Variants in MAGI1 observed in about 807,000 individuals in gnomAD.
MAGI1 encodes membrane associated guanylate kinase, WW and PDZ domain containing 1.
MAGI1 carries 58 observed loss-of-function variants against 139.9 expected under a neutral mutation model. That is an observed-to-expected ratio of 0.41 (90% CI 0.34 to 0.52). MAGI1 has a LOEUF of 0.52. Among genes scored for constraint, MAGI1 ranks in the 20% least tolerant of loss-of-function variants. The pLI is 0.12. For synonymous variants in MAGI1, 812 were observed against 737.9 expected, an observed-to-expected ratio of 1.10 and a Z score of -1.63; for missense variants, 1,874 against 1,901.6, an observed-to-expected ratio of 0.99 and a Z score of 0.27.
intron 2 of MAGI1, among the ~76,000 whole-genome samples, chr3:65,571,044 A>C (rs2080932827): frequency 6.6e-6 from 1 of 152,196 alleles, no homozygotes; most frequent in African/African-American, 2.4e-5. Context: ...GAAGAGAAGA[A>C]ACAGAAAAGT....
chr3:65,888,983 A>T (rs1344674410), intron 1 of MAGI1, among the ~76,000 whole-genome samples: 1 of 152,240 alleles, frequency 6.6e-6, no homozygotes, highest in East Asian at 1.9e-4. Context: ...GTATGTATAC[A>T]TATGTAACAA....
At chr3:65,579,619 G>T (rs541224432) in intron 2 of MAGI1, among the ~76,000 whole-genome samples, 1 of 152,306 alleles carries the variant, frequency 6.6e-6, no homozygotes, top group African/African-American at 2.4e-5. Flanking sequence ...GCCAAGGCGG[G>T]TAGGTCACCT....
At chr3:65,900,151 GTA>G (rs1485919357) in intron 1 of MAGI1, among the ~76,000 whole-genome samples, 3 of 152,004 alleles carry the variant, frequency 2.0e-5, no homozygotes, top group African/African-American at 7.2e-5. Flanking sequence ...GAGATAGGCA[GTA>G]TACACCCATC....
chr3:65,739,822 C>T (rs575977131), intron 1 of MAGI1, among the ~76,000 whole-genome samples: 2 of 152,210 alleles, frequency 1.3e-5, no homozygotes, highest in East Asian at 1.9e-4. Context: ...GAAATTACAA[C>T]AGTAACATCA....
chr3:65,494,614 C>T (rs1004177276), intron 2 of MAGI1, among the ~76,000 whole-genome samples: 2 of 152,338 alleles, frequency 1.3e-5, no homozygotes, highest in East Asian at 1.9e-4. Flanking sequence ...TTATTACCTG[C>T]GGTGGTGATT....
At chr3:65,651,040 TTG>T (rs2107311696) in intron 1 of MAGI1, among the ~76,000 whole-genome samples, 1 of 152,266 alleles carries the variant, frequency 6.6e-6, no homozygotes, top group South Asian at 2.1e-4. Context: ...GGTGAAGGGA[TTG>T]TAACTCCCCC....
At chr3:65,845,388 A>G (rs2058956906) in intron 1 of MAGI1, among the ~76,000 whole-genome samples, 1 of 152,284 alleles carries the variant, frequency 6.6e-6, no homozygotes, top group South Asian at 2.1e-4. Flanking sequence ...CTTACTATAC[A>G]TGTCAACTAA....
chr3:65,488,964 C>T (rs185852215), intron 3 of MAGI1, among the ~76,000 whole-genome samples: 21 of 152,254 alleles, frequency 1.4e-4, no homozygotes, highest in African/African-American at 4.3e-4. Flanking sequence ...TCCGCCACCA[C>T]GCCCAGCAAA....
In MAGI1 at chr3:65,910,855, C is replaced by CTTTTT. The variant is rs397989928; in HGVS notation, c.313+127136_313+127140dup. ...TGAGGCCTCTTTCAGACATGGTGGA[C>CTTTTT]TTTTTTTTTTTTTTTTTTTTGAGAT... On this transcript the variant is annotated intron_variant, in intron 1 of 22. Transcript: ENST00000402939. Among the ~76,000 whole-genome samples the CTTTTT allele has an allele frequency of 1.5e-3, 90 of 59,468 alleles. 26 individuals are homozygous for CTTTTT. The highest frequency in any genetic ancestry group is 6.9e-3 in the African/African-American group (87 of 12,672). The allele number at this position is 59,468 out of a possible 152,430, so 39.0% of individuals were successfully genotyped here.
At chr3:65,539,667 A>C (rs2079121566) in intron 2 of MAGI1, among the ~76,000 whole-genome samples, 1 of 152,176 alleles carries the variant, frequency 6.6e-6, no homozygotes, top group African/African-American at 2.4e-5. Context: ...ACACAAAGGG[A>C]GCTGGTTTCC....
chr3:65,956,533 C>G (rs1404995297), intron 1 of MAGI1, among the ~76,000 whole-genome samples: 2 of 152,170 alleles, frequency 1.3e-5, no homozygotes, highest in African/African-American at 4.8e-5. Flanking sequence ...ACCTCACTCT[C>G]ATTTCTTTAC....
chr3:65,883,836 G>T (rs1390249853), intron 1 of MAGI1, among the ~76,000 whole-genome samples: 1 of 152,034 alleles, frequency 6.6e-6, no homozygotes, highest in African/African-American at 2.4e-5. Context: ...ATTGCCTGTG[G>T]GCGTTTTGCA....
At chr3:65,691,019 T>C (rs2088579131) in intron 1 of MAGI1, among the ~76,000 whole-genome samples, 1 of 152,020 alleles carries the variant, frequency 6.6e-6, no homozygotes, top group Non-Finnish European at 1.5e-5. Context: ...AAAAAGAGGT[T>C]CAGCCTGGGT....
intron 2 of MAGI1, among the ~76,000 whole-genome samples, chr3:65,606,793 C>G (rs991331004): frequency 1.3e-5 from 2 of 152,100 alleles, no homozygotes; most frequent in Non-Finnish European, 2.9e-5. Flanking sequence ...GCTGGGATGA[C>G]AGGTGTGAGC....
At chr3:65,808,892 C>G (rs1005737661) in intron 1 of MAGI1, among the ~76,000 whole-genome samples, 3 of 152,196 alleles carry the variant, frequency 2.0e-5, no homozygotes, top group African/African-American at 7.2e-5. Flanking sequence ...AGCTAAAACT[C>G]TGCTGGGAAA....
At chr3:65,991,038 C>T (rs2066142949) in intron 1 of MAGI1, among the ~76,000 whole-genome samples, 1 of 151,864 alleles carries the variant, frequency 6.6e-6, no homozygotes, top group Non-Finnish European at 1.5e-5. Flanking sequence ...CCTGTAATCC[C>T]AGCACTTTGG....
In MAGI1 at chr3:66,013,012, A is replaced by T. The variant is rs74975162; in HGVS notation, c.313+24984T>A. 9.1e-3 allele frequency among the ~76,000 whole-genome samples: 1,385 copies of T among 152,294 alleles called. 32 individuals carry two copies. Among genetic ancestry groups the T allele is most frequent in the African/African-American group, 0.026 (1,084 of 41,556 alleles). ...TGCATGTAGCTCATTTAATCATTTTAACTCCTATTGTGTCTAAATTTATGT... is the reference window on the plus strand; with the variant it reads ...TGCATGTAGCTCATTTAATCATTTTTACTCCTATTGTGTCTAAATTTATGT... On this transcript the variant is annotated intron_variant, in intron 1 of 22. Transcript: ENST00000402939.
At chr3:65,510,165 A>G (rs983953127) in intron 2 of MAGI1, among the ~76,000 whole-genome samples, 20 of 152,356 alleles carry the variant, frequency 1.3e-4, no homozygotes, top group Admixed American at 1.3e-3. Flanking sequence ...CATCACCATC[A>G]TCAAAGAGCA....
At chr3:65,731,732 T>C (rs2034219714) in intron 1 of MAGI1, among the ~76,000 whole-genome samples, 1 of 151,862 alleles carries the variant, frequency 6.6e-6, no homozygotes, top group Non-Finnish European at 1.5e-5. Context: ...TTTAGTGCTT[T>C]AAATAATAAA....
Sources: allele counts gnomAD v4.1 joint callset (sites outside exome capture counted in the v4.1 genomes callset), GRCh38; gene constraint gnomAD v4.1.1; transcripts MANE v1.5; gene names NCBI Gene and HGNC (gene_info 2026-07-23, HGNC 2026-07-21).